FBXO15: variants seen among roughly 807,000 people sequenced by gnomAD.
The protein encoded by FBXO15 is F-box only protein 15.
Under a neutral mutation model 49.5 loss-of-function variants are expected in FBXO15, and 30 were observed. The ratio of observed to expected loss-of-function variants is 0.61; its 90% confidence interval spans 0.45 to 0.82. The LOEUF (loss-of-function observed/expected upper bound fraction) is 0.82. Among genes scored for constraint, FBXO15 ranks in the 40% least tolerant of loss-of-function variants. The pLI is 0.00. For synonymous variants in FBXO15, 250 were observed against 232.7 expected, an observed-to-expected ratio of 1.07 and a Z score of -0.68; for missense variants, 591 against 631.5, an observed-to-expected ratio of 0.94 and a Z score of 0.69.
chr18:74,145,281 T>C (rs1194376976), intron 1 of FBXO15, among the ~76,000 whole-genome samples: 1 of 152,260 alleles, frequency 6.6e-6, no homozygotes, highest in South Asian at 2.1e-4. Flanking sequence ...ATATGAAGGC[T>C]ATTTTATTAC....
intron 8 of FBXO15, among the ~76,000 whole-genome samples, chr18:74,112,509 C>T (rs943120040): frequency 2.6e-5 from 4 of 152,132 alleles, no homozygotes; most frequent in Non-Finnish European, 4.4e-5. Context: ...GGGGAACTTT[C>T]TCAACTTAAT....
chr18:74,120,880 G>A (rs1914437995), intron 8 of FBXO15, among the ~76,000 whole-genome samples: 1 of 151,718 alleles, frequency 6.6e-6, no homozygotes, highest in South Asian at 2.1e-4. Context: ...AAAACCAAAA[G>A]TTAGGTATCT....
intron 8 of FBXO15, among the ~76,000 whole-genome samples, chr18:74,089,724 G>T (rs764840517): frequency 6.6e-6 from 1 of 152,058 alleles, no homozygotes; most frequent in Non-Finnish European, 1.5e-5. Context: ...CACATTTATC[G>T]ATTTGCATAT....
At chr18:74,094,975 C>T (rs990079871) in intron 8 of FBXO15, among the ~76,000 whole-genome samples, 5 of 152,238 alleles carry the variant, frequency 3.3e-5, no homozygotes, top group African/African-American at 1.2e-4. Flanking sequence ...TGCTGCTGTA[C>T]CTTGCACTTT....
chr18:74,128,490 G>A (rs1433973447), intron 5 of FBXO15, among the ~76,000 whole-genome samples: 1 of 152,156 alleles, frequency 6.6e-6, no homozygotes, highest in Non-Finnish European at 1.5e-5. Context: ...CGCAAGGATG[G>A]TAAGAAAACG....
chr18:74,093,983 TA>T (rs1913167509), intron 8 of FBXO15, among the ~76,000 whole-genome samples: 1 of 152,214 alleles, frequency 6.6e-6, no homozygotes, highest in South Asian at 2.1e-4. Context: ...TTATAAAATG[TA>T]TTGCTTAAAT....
At chr18:74,098,411 C>T (rs1300193389) in intron 8 of FBXO15, 4 of 151,990 alleles carry the variant, frequency 2.6e-5, no homozygotes, top group African/African-American at 7.2e-5. Context: ...AAATTGAGAG[C>T]ATAAATAAAA....
chr18:74,142,661 T>G (rs1358699566), intron 1 of FBXO15, among the ~76,000 whole-genome samples: 3 of 152,200 alleles, frequency 2.0e-5, no homozygotes, highest in Admixed American at 1.3e-4. Context: ...TCTGTGCCTC[T>G]TCTTATAAGG....
At chr18:74,121,147 T>A (rs1289371593) in intron 8 of FBXO15, among the ~76,000 whole-genome samples, 2 of 152,154 alleles carry the variant, frequency 1.3e-5, no homozygotes, top group Non-Finnish European at 2.9e-5. Flanking sequence ...AATAGCTCCA[T>A]CTCTTTGAAA....
intron 2 of FBXO15, among the ~76,000 whole-genome samples, chr18:74,137,253 T>G (rs556168371): frequency 6.6e-6 from 1 of 152,270 alleles, no homozygotes; most frequent in African/African-American, 2.4e-5. Flanking sequence ...TGAGAAAAAG[T>G]CTCTAATGCT....
chr18:74,119,242 G>C (rs1046847455), intron 8 of FBXO15, among the ~76,000 whole-genome samples: 1 of 152,196 alleles, frequency 6.6e-6, no homozygotes, highest in African/African-American at 2.4e-5. Flanking sequence ...TGGCCAATGC[G>C]GCTGAGAATC....
At chr18:74,103,753 C>T (rs62097006) in intron 8 of FBXO15, among the ~76,000 whole-genome samples, 9,742 of 152,066 alleles carry the variant, frequency 0.064, 431 homozygotes, top group Non-Finnish European at 0.1. Context: ...AAATTGCCAT[C>T]CAAGAATATT....
At chr18:74,100,322 G>A (rs1259630190) in intron 8 of FBXO15, among the ~76,000 whole-genome samples, 2 of 152,120 alleles carry the variant, frequency 1.3e-5, no homozygotes, top group Non-Finnish European at 2.9e-5. Context: ...TGAGCACTGG[G>A]TCAACAATAA....
Position 74,116,991 on chromosome 18 carries a change from G to C in FBXO15, c.1138+6377C>G, listed in dbSNP as rs117488992. ...GACAGAACATTTTATCCTTGATAGGGAGAAAGGCTTTTTTAAAAAATGGGG... is the reference window on the plus strand; with the variant it reads ...GACAGAACATTTTATCCTTGATAGGCAGAAAGGCTTTTTTAAAAAATGGGG... On this transcript the variant is annotated intron_variant, in intron 8 of 9. Coordinates refer to ENST00000419743, the MANE Select transcript of FBXO15 (RefSeq NM_001142958.2). 1.1e-4 allele frequency among the ~76,000 whole-genome samples: 16 copies of C among 152,224 alleles called. No homozygotes were observed. The East Asian group carries it at 3.1e-3, about 29-fold the overall frequency.
chr18:74,087,315 T>C (rs1235789666), intron 8 of FBXO15, among the ~76,000 whole-genome samples: 2 of 152,132 alleles, frequency 1.3e-5, no homozygotes, highest in African/African-American at 2.4e-5. Flanking sequence ...CAGGGGTTTG[T>C]AGAGATTATT....
chr18:74,106,263 C>A (rs1258461118), intron 8 of FBXO15, among the ~76,000 whole-genome samples: 2 of 151,924 alleles, frequency 1.3e-5, no homozygotes, highest in African/African-American at 4.8e-5. Context: ...GTAGAACTTA[C>A]CATATTTACA....
intron 1 of FBXO15, among the ~76,000 whole-genome samples, chr18:74,141,630 T>C (rs1485719114): frequency 6.6e-6 from 1 of 152,094 alleles, no homozygotes; most frequent in African/African-American, 2.4e-5. Flanking sequence ...GAAAAAGTAA[T>C]GAACCAACCC....
intron 8 of FBXO15, among the ~76,000 whole-genome samples, chr18:74,100,368 A>T (rs1381396338): frequency 6.6e-6 from 1 of 152,124 alleles, no homozygotes; most frequent in African/African-American, 2.4e-5. Flanking sequence ...TTTGAACTGA[A>T]TGACAAAATG....
In FBXO15 at chr18:74,140,284, C is replaced by G; in HGVS notation, c.145G>C (p.Gly49Arg). 6.4e-7 allele frequency: 1 copy of G among 1,551,358 alleles called. No individual in the cohort carries two copies. The highest frequency in any genetic ancestry group is 8.7e-7 in the Non-Finnish European group (1 of 1,146,880). The change falls in exon 2 of 10, where the codon GGC (glycine) becomes CGC (arginine). Residue 49 changes from glycine to arginine, a missense_variant. Gly to Arg is a moderately radical substitution (Grantham distance 125). Coordinates refer to ENST00000419743, the MANE Select transcript of FBXO15 (RefSeq NM_001142958.2). ...RKGPGVKLSA[G>R]SAALRCHAGG... is the part of the protein sequence containing the mutation. ...GCATGGCACCTCAGGGCAGCAGAGC[C>G]TGCAGAAAGCTTGACCCCTGGCCCC...
Sources: allele counts gnomAD v4.1 joint callset (sites outside exome capture counted in the v4.1 genomes callset), GRCh38; gene constraint gnomAD v4.1.1; transcripts MANE v1.5; gene names NCBI Gene and HGNC (gene_info 2026-07-23, HGNC 2026-07-21).